SRFBP1: variants seen among roughly 807,000 people sequenced by gnomAD.
The protein encoded by SRFBP1 is serum response factor-binding protein 1.
In SRFBP1, 47 loss-of-function variants were observed where a neutral mutation model predicts 45.5. The ratio of observed to expected loss-of-function variants is 1.03; its 90% confidence interval spans 0.82 to 1.32. SRFBP1 has a LOEUF of 1.32. Ranked by LOEUF, SRFBP1 falls within the 40% of genes most tolerant of loss-of-function variation. The probability of loss-of-function intolerance (pLI) is 0.00; values close to 1 mark genes in which losing one functional copy is unlikely to be tolerated. For synonymous variants in SRFBP1, 203 were observed against 166.3 expected (o/e 1.22, Z -1.70); for missense variants, 621 against 484.6 (o/e 1.28, Z -2.64).
At chr5:121,966,480 A>G (rs986836715) in intron 1 of SRFBP1, among the ~76,000 whole-genome samples, 4 of 152,190 alleles carry the variant, frequency 2.6e-5, no homozygotes, top group Admixed American at 6.5e-5. Flanking sequence ...GGATAGCATA[A>G]CTGTCAACTA....
chr5:122,052,372 T>C (rs1754003527), intron 2 of SRFBP1, among the ~76,000 whole-genome samples: 1 of 152,226 alleles, frequency 6.6e-6, no homozygotes, highest in Non-Finnish European at 1.5e-5. Context: ...CCCATCTCTT[T>C]CAGGGATGCC....
intron 2 of SRFBP1, among the ~76,000 whole-genome samples, chr5:122,039,129 C>T (rs1325107517): frequency 1.3e-5 from 2 of 152,156 alleles, no homozygotes; most frequent in African/African-American, 4.8e-5. Context: ...TATAACAGAA[C>T]GGTGTGTCCT....
At chr5:122,057,349 G>A (rs555584616) in intron 2 of SRFBP1, among the ~76,000 whole-genome samples, 1 of 152,090 alleles carries the variant, frequency 6.6e-6, no homozygotes, top group East Asian at 1.9e-4. Flanking sequence ...GAAAAGGAAA[G>A]GTTTATTATC....
At chr5:122,077,281 G>GGCA, downstream of SRFBP1, 2 of 1,593,946 alleles carry the variant, frequency 1.3e-6, no homozygotes, top group South Asian at 2.3e-5. This position sits in a 1 kb window ranked among gnomAD's most constrained non-coding sequence, Gnocchi z 4.9. Context: ...GCCGCGCCCA[G>GGCA]GCAGCCACGT....
intron 4 of SRFBP1, among the ~76,000 whole-genome samples, chr5:121,998,867 C>T (rs896969468): frequency 2.6e-5 from 4 of 152,140 alleles, no homozygotes; most frequent in Non-Finnish European, 5.9e-5. Context: ...TCTACATCTT[C>T]CACTCTTTGG....
In SRFBP1 at chr5:121,986,338, G is replaced by A. The variant is rs374658382; in HGVS notation, c.199-8261G>A. Among the ~76,000 whole-genome samples the A allele has an allele frequency of 5.3e-5, 8 of 152,012 alleles. 1 individual carries two copies. Among genetic ancestry groups the A allele is most frequent in the African/African-American group, 1.9e-4 (8 of 41,504 alleles). On this transcript the variant is annotated intron_variant, in intron 3 of 7. Transcript: ENST00000339397. The stretch of plus-strand genomic sequence containing the variant: ...GAGATCATCACGGGCTTAAAATAAT[G>A]GGATTGATGTAATTGGGACAAAAGC...
At chr5:121,992,185 G>C (rs1261675989) in intron 3 of SRFBP1, among the ~76,000 whole-genome samples, 1 of 152,058 alleles carries the variant, frequency 6.6e-6, no homozygotes, top group African/African-American at 2.4e-5. Context: ...TATTTCTGTA[G>C]ACTTTCAGTG....
chr5:121,966,107 A>G (rs1752058256), intron 1 of SRFBP1, among the ~76,000 whole-genome samples: 1 of 152,184 alleles, frequency 6.6e-6, no homozygotes, highest in Admixed American at 6.6e-5. Context: ...GGGGTTTTCT[A>G]GATATACAGT....
chr5:121,998,929 A>G (rs1189352238), intron 4 of SRFBP1, among the ~76,000 whole-genome samples: 1 of 152,038 alleles, frequency 6.6e-6, no homozygotes, highest in Non-Finnish European at 1.5e-5. Context: ...ATTTGTACCC[A>G]TGTTGCTCCA....
At chr5:121,974,529 C>G (rs577298106) in intron 2 of SRFBP1, among the ~76,000 whole-genome samples, 7 of 151,922 alleles carry the variant, frequency 4.6e-5, no homozygotes, top group African/African-American at 1.4e-4. Flanking sequence ...GCAAAACTCT[C>G]TTTTGGTCTT....
chr5:122,054,169 G>C (rs1754037139), intron 2 of SRFBP1, among the ~76,000 whole-genome samples: 1 of 152,202 alleles, frequency 6.6e-6, no homozygotes, highest in South Asian at 2.1e-4. Flanking sequence ...GGACTTGACT[G>C]TTGCCCCCAC....
intron 4 of SRFBP1, among the ~76,000 whole-genome samples, chr5:121,999,345 T>C (rs1381898951): frequency 6.6e-6 from 1 of 152,152 alleles, no homozygotes; most frequent in Non-Finnish European, 1.5e-5. Context: ...CTTTGTGATT[T>C]CTATTCTTTT....
intron 2 of SRFBP1, chr5:122,069,824 T>TCTTCTCCTGAAAACTAAG (rs886696428): frequency 3.9e-6 from 2 of 513,092 alleles, no homozygotes; most frequent in Non-Finnish European, 7.4e-6. Context: ...TCTGTTTATG[T>TCTTCTCCTGAAAACTAAG]CTTCTCCTGA....
At chr5:122,073,890 T>C in intron 2 of SRFBP1, 2 of 884,796 alleles carry the variant, frequency 2.3e-6, no homozygotes, top group South Asian at 1.7e-5. Context: ...TTGAGAACAG[T>C]CTCTGTATCC....
At chr5:122,010,342 C>T (rs1354168863) in intron 4 of SRFBP1, among the ~76,000 whole-genome samples, 1 of 152,036 alleles carries the variant, frequency 6.6e-6, no homozygotes, top group Non-Finnish European at 1.5e-5. Context: ...AGGACATATA[C>T]ATATGGTGCT....
Position 121,980,251 on chromosome 5 carries a change from T to C in SRFBP1, c.198+4864T>C, listed in dbSNP as rs150644732. Among the ~76,000 whole-genome samples the C allele has an allele frequency of 1.1e-4, 16 of 152,284 alleles. No individual in the cohort carries two copies. In the East Asian group the frequency reaches 3.1e-3, roughly 29 times the overall value. ...AACCCTTCAAACCTATAGAAAATTG[T>C]AATACTATAATATAATAATAGTGTT... On this transcript the variant is annotated intron_variant, in intron 3 of 7. Transcript: ENST00000339397.
At chr5:122,077,888 C>G (rs1301371175), downstream of SRFBP1, 1 of 1,532,180 alleles carries the variant, frequency 6.5e-7, no homozygotes, top group Admixed American at 2.2e-5. The surrounding 1 kb of genome is among the most constrained non-coding windows in gnomAD (Gnocchi z 4.9). Flanking sequence ...CGGCGGCTCG[C>G]GCGGGGGCTG....
chr5:121,991,811 C>T (rs1308657590), intron 3 of SRFBP1, among the ~76,000 whole-genome samples: 1 of 152,010 alleles, frequency 6.6e-6, no homozygotes, highest in Non-Finnish European at 1.5e-5. Context: ...TTTTAGGAGA[C>T]AGTATTCCCT....
At chr5:122,060,390 C>A (rs1163371587) in intron 2 of SRFBP1, among the ~76,000 whole-genome samples, 2 of 152,036 alleles carry the variant, frequency 1.3e-5, no homozygotes, top group East Asian at 1.9e-4. Flanking sequence ...TCTGGGCAAT[C>A]ATTTTCCTTT....
Sources: allele counts gnomAD v4.1 joint callset (sites outside exome capture counted in the v4.1 genomes callset), GRCh38; gene constraint gnomAD v4.1.1; non-coding constraint Gnocchi (gnomAD v3.1); transcripts MANE v1.5; gene names NCBI Gene and HGNC (gene_info 2026-07-23, HGNC 2026-07-21).